Variants in RAP1GAP2 observed in about 807,000 individuals in gnomAD.
RAP1GAP2 encodes rap1 GTPase-activating protein 2.
Under a neutral mutation model 95.0 loss-of-function variants are expected in RAP1GAP2, and 27 were observed. The observed-to-expected ratio is 0.28, with a 90% CI of 0.21 to 0.39. The LOEUF (loss-of-function observed/expected upper bound fraction) is 0.39. Among genes scored for constraint, RAP1GAP2 ranks in the 10% least tolerant of loss-of-function variants. RAP1GAP2 has a pLI of 1.00. For synonymous variants in RAP1GAP2, 373 were observed against 380.9 expected (o/e 0.98, Z 0.24); for missense variants, 771 against 970.0 (o/e 0.79, Z 2.72).
chr17:2,958,234 T>C (rs2044191758), intron 4 of RAP1GAP2, among the ~76,000 whole-genome samples: 1 of 152,152 alleles, frequency 6.6e-6, no homozygotes, highest in African/African-American at 2.4e-5. Context: ...CCAGTTCCTT[T>C]CCTGTGCTAA....
chr17:3,014,500 G>A (rs914114708), intron 17 of RAP1GAP2, among the ~76,000 whole-genome samples: 2 of 151,518 alleles, frequency 1.3e-5, no homozygotes, highest in Admixed American at 6.6e-5. Context: ...GATTGATGAT[G>A]GTGTTGTCAA....
chr17:2,778,405 G>A (rs566763318), intron 1 of RAP1GAP2, among the ~76,000 whole-genome samples: 11 of 152,204 alleles, frequency 7.2e-5, no homozygotes, highest in African/African-American at 2.2e-4. Context: ...GGGTAGGGTC[G>A]GGGCTGGTCT....
Position 2,817,940 on chromosome 17 carries a change from C to G in RAP1GAP2, c.80+17390C>G, listed in dbSNP as rs1406725758. ...CAACCTCTGCTTCCCAGGTTCATGC[C>G]ATTCTCCTGCCTCAGCCTCCCGAGT... On this transcript the variant is annotated intron_variant, in intron 2 of 24. Coordinates refer to ENST00000254695, the MANE Select transcript of RAP1GAP2 (RefSeq NM_015085.5). Among the ~76,000 whole-genome samples the G allele has an allele frequency of 4.1e-5, 6 of 147,948 alleles. 1 individual carries two copies. Among genetic ancestry groups the G allele is most frequent in the Non-Finnish European group, 7.5e-5 (5 of 66,492 alleles).
At position 2,906,542 on chromosome 17, in the gene RAP1GAP2, C is replaced by T. The variant is rs2042204351; in HGVS notation, c.165+1174C>T. Among the ~76,000 whole-genome samples, 1 of 152,036 alleles carries T rather than the reference C, an allele frequency of 6.6e-6. No homozygotes were observed. The highest frequency in any genetic ancestry group is 2.1e-4 in the South Asian group (1 of 4,820). On this transcript the variant is annotated intron_variant, in intron 3 of 24. Transcript: ENST00000254695. This position sits in a 1 kb window ranked among gnomAD's most constrained non-coding sequence, Gnocchi z 4.3. ...TCTTCCTTGTGCAGTACCCAGAGGGCAGTGGAAGCCAGACCACCTTCACTA... is the reference window on the plus strand; with the variant it reads ...TCTTCCTTGTGCAGTACCCAGAGGGTAGTGGAAGCCAGACCACCTTCACTA...
chr17:2,851,936 A>G (rs2071867044), intron 2 of RAP1GAP2, among the ~76,000 whole-genome samples: 1 of 152,180 alleles, frequency 6.6e-6, no homozygotes, highest in Non-Finnish European at 1.5e-5. Context: ...AAGGAGGATC[A>G]GGCCTTCCGT....
At position 2,966,944 on chromosome 17, in the gene RAP1GAP2, A is replaced by G. The variant is rs551675719; in HGVS notation, c.596+1301A>G. ...CTGGAAATGCTGCTTCGGGGCTGAA[A>G]GCTAAGAAAAATGCCGGGCACGCAA... On this transcript the variant is annotated intron_variant, in intron 8 of 24. Coordinates refer to ENST00000254695, the MANE Select transcript of RAP1GAP2 (RefSeq NM_015085.5). 3.3e-5 allele frequency among the ~76,000 whole-genome samples: 5 copies of G among 152,302 alleles called. No individual in the cohort carries two copies. In the East Asian group the frequency reaches 9.7e-4, roughly 29 times the overall value.
chr17:2,766,314 C>CG (rs2068275496), intron 1 of RAP1GAP2, among the ~76,000 whole-genome samples: 1 of 152,064 alleles, frequency 6.6e-6, no homozygotes. Flanking sequence ...GTTTAGGAGA[C>CG]GGGGCCTTTG....
intron 3 of RAP1GAP2, among the ~76,000 whole-genome samples, chr17:2,939,578 C>T (rs1205669557): frequency 6.6e-6 from 1 of 152,228 alleles, no homozygotes; most frequent in Non-Finnish European, 1.5e-5. Flanking sequence ...TCTCCAAACA[C>T]ACAAGACCCG....
chr17:2,823,739 C>T (rs1031001546), intron 2 of RAP1GAP2, among the ~76,000 whole-genome samples: 1 of 152,120 alleles, frequency 6.6e-6, no homozygotes, highest in Non-Finnish European at 1.5e-5. Context: ...CCTGAGGGGC[C>T]AGTAAGCAAT....
chr17:2,816,130 G>T (rs997719740), intron 2 of RAP1GAP2, among the ~76,000 whole-genome samples: 2 of 152,154 alleles, frequency 1.3e-5, no homozygotes, highest in Non-Finnish European at 2.9e-5. Flanking sequence ...AAAAATAGGC[G>T]GGGGAGGGAA....
intron 2 of RAP1GAP2, among the ~76,000 whole-genome samples, chr17:2,878,347 G>C (rs1218644331): frequency 6.6e-6 from 1 of 152,190 alleles, no homozygotes; most frequent in Non-Finnish European, 1.5e-5. Flanking sequence ...GGCATCTGGA[G>C]CTCAGCCCAG....
At chr17:2,978,555 T>C (rs1449884777) in intron 8 of RAP1GAP2, among the ~76,000 whole-genome samples, 2 of 152,214 alleles carry the variant, frequency 1.3e-5, no homozygotes, top group Non-Finnish European at 2.9e-5. Flanking sequence ...GAATTTTCCA[T>C]GTAATATTTT....
At chr17:2,918,565 G>A (rs1220080412) in intron 3 of RAP1GAP2, among the ~76,000 whole-genome samples, 1 of 152,048 alleles carries the variant, frequency 6.6e-6, no homozygotes, top group Non-Finnish European at 1.5e-5. Context: ...GGAAGGTGAA[G>A]GGAGAGGAGG....
intron 17 of RAP1GAP2, among the ~76,000 whole-genome samples, chr17:3,014,245 T>G (rs942985225): frequency 6.6e-6 from 1 of 152,182 alleles, no homozygotes; most frequent in Non-Finnish European, 1.5e-5. Flanking sequence ...ACACGTCGGC[T>G]ATAGAGCCTG....
At chr17:2,973,853 A>T (rs7218049) in intron 8 of RAP1GAP2, among the ~76,000 whole-genome samples, 7,607 of 152,296 alleles carry the variant, frequency 0.05, 535 homozygotes, top group African/African-American at 0.15. Flanking sequence ...TTTAAAAACA[A>T]AACAATACTT....
chr17:2,860,299 G>A (rs186519327), intron 2 of RAP1GAP2, among the ~76,000 whole-genome samples: 14 of 152,234 alleles, frequency 9.2e-5, no homozygotes, highest in Admixed American at 6.5e-5. Flanking sequence ...AATGACACCC[G>A]GTGGGCTGTC....
intron 2 of RAP1GAP2, among the ~76,000 whole-genome samples, chr17:2,849,203 G>A (rs1298068125): frequency 6.6e-6 from 1 of 152,198 alleles, no homozygotes; most frequent in Non-Finnish European, 1.5e-5. Context: ...CCCGTGGAGG[G>A]GAGGGGCAAG....
chr17:2,776,989 C>A, upstream of RAP1GAP2: 1 of 152,714 alleles, frequency 6.5e-6, no homozygotes, highest in South Asian at 1.9e-4. Context: ...CAGCCTGGAT[C>A]GGGACGTGAG....
At chr17:2,799,335 G>C (rs754100749) in intron 1 of RAP1GAP2, among the ~76,000 whole-genome samples, 1 of 152,338 alleles carries the variant, frequency 6.6e-6, no homozygotes, top group Non-Finnish European at 1.5e-5. Flanking sequence ...ACGTGGGCCA[G>C]GCCCCTCGGG....
Sources: gnomAD v4.1 joint callset for allele counts (sites outside exome capture counted in the v4.1 genomes callset) on GRCh38, gnomAD v4.1.1 for gene constraint, Gnocchi (gnomAD v3.1) non-coding constraint, MANE v1.5 for transcripts, NCBI Gene and HGNC (gene_info 2026-07-23, HGNC 2026-07-21) for gene names.